Variants in NID2 observed in about 807,000 individuals in gnomAD.
NID2 encodes the protein nidogen-2.
NID2 carries 83 observed loss-of-function variants against 145.4 expected under a neutral mutation model. The observed-to-expected ratio is 0.57, with a 90% CI of 0.48 to 0.69. The LOEUF is 0.69. Among genes scored for constraint, NID2 ranks in the 30% least tolerant of loss-of-function variants. The probability of loss-of-function intolerance (pLI) is 0.00; values close to 1 mark genes in which losing one functional copy is unlikely to be tolerated. For synonymous variants in NID2, 739 were observed against 701.3 expected (o/e 1.05, Z -0.85); for missense variants, 1,807 against 1,765.7 (o/e 1.02, Z -0.42).
chr14:52,038,990 C>A lies in NID2; in HGVS notation c.2027-13G>T, dbSNP rs1469539829. ...GTAGAGGTCACAGCTGCAACAAACA[C>A]AGTGGTAATTTTTTAAAAATATTAA... On this transcript the variant is annotated splice_polypyrimidine_tract_variant and intron_variant, in intron 8 of 21. Transcript: ENST00000216286. 1 of 1,555,402 alleles carries A rather than the reference C, an allele frequency of 6.4e-7. No individual in the cohort carries two copies. The highest frequency in any genetic ancestry group is 2.3e-5 in the East Asian group (1 of 43,632).
intron 10 of NID2, among the ~76,000 whole-genome samples, 191 bp downstream of exon 10, chr14:52,029,355 CA>C (rs1423617531): frequency 6.6e-6 from 1 of 152,192 alleles, no homozygotes; most frequent in Admixed American, 6.5e-5. Context: ...CACTCCACTC[CA>C]AACCATCTTT....
intron 11 of NID2, 43 bp from the exon 12 acceptor site, chr14:52,027,387 C>T (rs756004077): frequency 6.8e-7 from 1 of 1,466,142 alleles, no homozygotes; most frequent in South Asian, 1.4e-5. Context: ...TTTAGGCCTG[C>T]AAAGGATGAG....
rs112595422 is a variant in NID2 at position 52,019,510 on chromosome 14, G to A, written c.2795-216C>T. ...GCTGGCTCTAAGTGTAAAGCAGCCCGGCCCCTCCCTATTGTCATCTGGGGA... is the reference window on the plus strand; with the variant it reads ...GCTGGCTCTAAGTGTAAAGCAGCCCAGCCCCTCCCTATTGTCATCTGGGGA... On this transcript the variant is annotated intron_variant, in intron 13 of 21. Coordinates refer to ENST00000216286, the MANE Select transcript of NID2 (RefSeq NM_007361.4). 1.9e-4 allele frequency among the ~76,000 whole-genome samples: 29 copies of A among 152,222 alleles called. 1 individual carries two copies. Among genetic ancestry groups the A allele is most frequent in the African/African-American group, 6.5e-4 (27 of 41,520 alleles).
intron 16 of NID2, 178 bp downstream of exon 16, chr14:52,014,109 C>T: frequency 1.3e-6 from 1 of 749,006 alleles, no homozygotes; most frequent in Non-Finnish European, 2.3e-6. Flanking sequence ...AGGTGACTCC[C>T]AGCAAGAGAG....
chr14:52,010,673 AAATAT>A (rs1238945796), intron 18 of NID2, 198 bp downstream of exon 18: 3 of 533,314 alleles, frequency 5.6e-6, no homozygotes, highest in Admixed American at 3.1e-5. Context: ...CCTCCTAATA[AAATAT>A]AAGTGCCATG....
At chr14:52,057,522 A>C (rs1459968119) in intron 3 of NID2, among the ~76,000 whole-genome samples, 1 of 151,750 alleles carries the variant, frequency 6.6e-6, no homozygotes, top group Non-Finnish European at 1.5e-5. Flanking sequence ...GGCCAACATG[A>C]TGAAACCCAG....
intron 5 of NID2, among the ~76,000 whole-genome samples, chr14:52,043,841 A>T (rs1040537196): frequency 6.6e-6 from 1 of 152,140 alleles, no homozygotes; most frequent in Non-Finnish European, 1.5e-5. Flanking sequence ...GCACTAGGAA[A>T]TATGCCAATC....
At chr14:52,006,032 C>CTGCATGTTAGAATCACATGA (rs1392170477) in intron 20 of NID2, 183 bp from the exon 21 acceptor site, 7 of 554,584 alleles carry the variant, frequency 1.3e-5, no homozygotes, top group East Asian at 2.9e-5. Flanking sequence ...TCATCTCTAG[C>CTGCATGTTAGAATCACATGA]TGCATGTTAG....
intron 12 of NID2, among the ~76,000 whole-genome samples, chr14:52,023,918 A>C (rs1348022746): frequency 6.6e-6 from 1 of 152,220 alleles, no homozygotes; most frequent in Admixed American, 6.5e-5. Context: ...TGATGGAGTA[A>C]AAGAGCATGT....
chr14:52,024,375 G>A (rs1566751023), intron 12 of NID2, among the ~76,000 whole-genome samples: 1 of 152,228 alleles, frequency 6.6e-6, no homozygotes, highest in African/African-American at 2.4e-5. Context: ...AGGCCCAAGT[G>A]GCAAGAAACT....
Position 52,068,815 on chromosome 14 carries a change from C to T in NID2, c.180G>A (p.Lys60=). The stretch of plus-strand genomic sequence containing the variant: ...CGTAGAAGTGCAGGGGATTCGCCAG[C>T]TTCACCACGGCTGAGCTTTCGTCGT... ...EGDDESSAVV[K]LANPLHFYEA... Residue 60 remains lysine, a synonymous_variant, in exon 1 of 22, where the codon AAG becomes AAA. Coordinates refer to ENST00000216286, the MANE Select transcript of NID2 (RefSeq NM_007361.4). The T allele has an allele frequency of 6.2e-7, 1 of 1,610,750 alleles. No individual in the cohort carries two copies. The highest frequency in any genetic ancestry group is 1.3e-5 in the African/African-American group (1 of 75,082).
intron 5 of NID2, among the ~76,000 whole-genome samples, chr14:52,044,444 T>C (rs1892408899): frequency 6.6e-6 from 1 of 151,912 alleles, no homozygotes; most frequent in Admixed American, 6.6e-5. Context: ...TAATTTTTTG[T>C]ATTTTTTAGT....
rs535394630 is a variant in NID2, at chr14:52,042,273, C to A, written c.1657G>T (p.Asp553Tyr). The A allele has an allele frequency of 1.2e-6, 2 of 1,614,202 alleles. No individual in the cohort carries two copies. Among genetic ancestry groups the A allele is most frequent in the South Asian group, 2.2e-5 (2 of 91,058 alleles). ...GHTPVHFTDV[D>Y]LHAYIVGNDG... Reference sequence around the variant, plus strand: ...TTGCCCACGATATACGCATGCAGGTCCACATCAGTGAAGTGCACGGGTGTA... The same window carrying A: ...TTGCCCACGATATACGCATGCAGGTACACATCAGTGAAGTGCACGGGTGTA... The change falls in exon 7 of 22, where the codon GAC becomes TAC. Residue 553 changes from aspartate to tyrosine, a missense_variant. Physicochemically the swap from Asp to Tyr is radical, Grantham distance 160 (BLOSUM62 -3). Coordinates refer to ENST00000216286, the MANE Select transcript of NID2 (RefSeq NM_007361.4).
At chr14:52,007,719 G>A (rs1399601161) in intron 19 of NID2, 91 bp downstream of exon 19, 2 of 1,137,928 alleles carry the variant, frequency 1.8e-6, no homozygotes, top group African/African-American at 3.1e-5. Flanking sequence ...GGAGATCTAA[G>A]TGATGGGATT....
At position 52,040,749 on chromosome 14, in the gene NID2, C is replaced by A; in HGVS notation, c.1928G>T (p.Ser643Ile). ...AEGLDPENYL[S>I]IKTNIQGQVP... Reference sequence around the variant, plus strand: ...CTGGCCTTGAATGTTGGTCTTAATGCTCAGGTAGTTCTCTGGGTCAAGTCC... The same window carrying A: ...CTGGCCTTGAATGTTGGTCTTAATGATCAGGTAGTTCTCTGGGTCAAGTCC... Residue 643 changes from serine (S) to isoleucine (I), a missense_variant, in exon 8 of 22, where the codon AGC becomes ATC. Physicochemically the swap from Ser to Ile is moderately radical, Grantham distance 142. Coordinates refer to ENST00000216286, the MANE Select transcript of NID2 (RefSeq NM_007361.4). 5 of 1,614,144 alleles carry A rather than the reference C, an allele frequency of 3.1e-6. 1 individual carries two copies. The South Asian group carries it at 4.4e-5, about 14-fold the overall frequency.
At chr14:52,029,038 C>T (rs1417352932) in intron 10 of NID2, among the ~76,000 whole-genome samples, 188 bp from the exon 11 acceptor site, 3 of 152,116 alleles carry the variant, frequency 2.0e-5, no homozygotes, top group African/African-American at 7.2e-5. Flanking sequence ...AATTTCATGC[C>T]ATTCAAGTAA....
At chr14:52,014,224 G>C in intron 16 of NID2, 63 bp downstream of exon 16, 2 of 1,604,534 alleles carry the variant, frequency 1.2e-6, no homozygotes, top group Non-Finnish European at 1.7e-6. Context: ...AACAGGGCCT[G>C]TGAGGTGGCT....
At chr14:52,038,079 GCTTTT>G (rs1422269745) in intron 9 of NID2, among the ~76,000 whole-genome samples, 1 of 152,096 alleles carries the variant, frequency 6.6e-6, no homozygotes, top group Non-Finnish European at 1.5e-5. Context: ...AATTTAGATG[GCTTTT>G]ATTTTGTGTT....
intron 7 of NID2, 124 bp downstream of exon 7, chr14:52,041,981 T>C: frequency 1.6e-6 from 2 of 1,225,858 alleles, no homozygotes; most frequent in Non-Finnish European, 2.2e-6. Flanking sequence ...ACTACACACA[T>C]GTGGCTCTAG....
Sources: gnomAD v4.1 joint callset for allele counts (sites outside exome capture counted in the v4.1 genomes callset) on GRCh38, gnomAD v4.1.1 for gene constraint, MANE v1.5 for transcripts, NCBI Gene and HGNC (gene_info 2026-07-23, HGNC 2026-07-21) for gene names.